ERC2: variants seen among roughly 807,000 people sequenced by gnomAD.
The protein encoded by ERC2 is ELKS/RAB6-interacting/CAST family member 2.
Under a neutral mutation model 114.8 loss-of-function variants are expected in ERC2, and 42 were observed. That is an observed-to-expected ratio of 0.37 (90% CI 0.29 to 0.47). The LOEUF (loss-of-function observed/expected upper bound fraction) is 0.47. ERC2 is among the 20% of genes least tolerant of loss of function. The pLI is 0.99. For synonymous variants in ERC2, 454 were observed against 425.5 expected, an observed-to-expected ratio of 1.07 and a Z score of -0.82; for missense variants, 939 against 1,150.7, an observed-to-expected ratio of 0.82 and a Z score of 2.66.
chr3:56,387,525 G>A (rs576672804), intron 2 of ERC2, among the ~76,000 whole-genome samples: 1 of 152,236 alleles, frequency 6.6e-6, no homozygotes, highest in South Asian at 2.1e-4. Flanking sequence ...TGCCATTTGT[G>A]TCTATAAAAC....
At chr3:56,012,480 C>T (rs1395840731) in intron 8 of ERC2, among the ~76,000 whole-genome samples, 2 of 152,100 alleles carry the variant, frequency 1.3e-5, no homozygotes, top group Admixed American at 6.5e-5. Context: ...TCTTGACCCA[C>T]AGCTGGGCAA....
At chr3:55,853,957 A>G (rs886559193) in intron 14 of ERC2, among the ~76,000 whole-genome samples, 2 of 152,156 alleles carry the variant, frequency 1.3e-5, no homozygotes, top group Non-Finnish European at 2.9e-5. Flanking sequence ...ATTAGACCAA[A>G]TTATCACAAG....
At chr3:55,937,637 T>C (rs1032209037) in intron 13 of ERC2, among the ~76,000 whole-genome samples, 6 of 152,200 alleles carry the variant, frequency 3.9e-5, no homozygotes, top group Admixed American at 6.5e-5. Flanking sequence ...TCAGGTGACA[T>C]TGTTCCATGA....
intron 6 of ERC2, among the ~76,000 whole-genome samples, chr3:56,101,365 G>C (rs2078343783): frequency 7.7e-6 from 1 of 129,164 alleles, no homozygotes; most frequent in African/African-American, 3.0e-5. Flanking sequence ...CCTTCAAAGA[G>C]GAAACATCCA....
At chr3:56,301,174 G>A (rs1466953701) in intron 2 of ERC2, among the ~76,000 whole-genome samples, 3 of 152,168 alleles carry the variant, frequency 2.0e-5, no homozygotes, top group Non-Finnish European at 2.9e-5. Flanking sequence ...CATTTATTAA[G>A]AAGCAAAATC....
At chr3:55,516,981 G>A (rs2052556398) in intron 17 of ERC2, among the ~76,000 whole-genome samples, 2 of 152,106 alleles carry the variant, frequency 1.3e-5, no homozygotes, top group Admixed American at 1.3e-4. Context: ...GCTCCCTGGG[G>A]CCTCATTTGA....
chr3:55,936,167 G>A lies in ERC2; in HGVS notation c.2403+14258C>T, dbSNP rs1012228404. On this transcript the variant is annotated intron_variant, in intron 13 of 17. Transcript: ENST00000288221. ...GAGCCCCCTGCATGGGCTGATTGGC[G>A]TTGGCACTCTTCTCTTCCCTCACAG... is the stretch of plus-strand genomic sequence containing the variant. Among the ~76,000 whole-genome samples the A allele has an allele frequency of 2.6e-5, 4 of 152,282 alleles. No homozygotes were observed. The East Asian group carries it at 5.8e-4, about 22-fold the overall frequency.
chr3:56,076,258 T>C (rs1054037489), intron 7 of ERC2, among the ~76,000 whole-genome samples: 1 of 152,168 alleles, frequency 6.6e-6, no homozygotes, highest in African/African-American at 2.4e-5. Context: ...AAAATGGAGA[T>C]AGAATTTTTG....
chr3:55,888,278 C>A (rs2063444168), intron 14 of ERC2, 111 bp downstream of exon 14: 5 of 1,280,638 alleles, frequency 3.9e-6, no homozygotes, highest in South Asian at 3.2e-5. Context: ...CAAGTGTGAG[C>A]TAAATTATTC....
chr3:55,726,061 G>A (rs1481652343), intron 15 of ERC2, among the ~76,000 whole-genome samples: 1 of 152,160 alleles, frequency 6.6e-6, no homozygotes, highest in Non-Finnish European at 1.5e-5. Context: ...TTTATTAAAA[G>A]GGGTTCTCTA....
chr3:56,284,869 C>A (rs2054572800), intron 3 of ERC2, among the ~76,000 whole-genome samples: 1 of 151,970 alleles, frequency 6.6e-6, no homozygotes, highest in Admixed American at 6.6e-5. Flanking sequence ...TGCCTCATTT[C>A]CAGCCCTACA....
At chr3:55,828,987 T>C (rs781206394) in intron 14 of ERC2, among the ~76,000 whole-genome samples, 23 of 152,166 alleles carry the variant, frequency 1.5e-4, no homozygotes, top group Non-Finnish European at 3.1e-4. Flanking sequence ...AAAAATTAGC[T>C]GAGTGTGATG....
intron 17 of ERC2, among the ~76,000 whole-genome samples, chr3:55,574,296 A>G (rs951573453): frequency 2.0e-5 from 3 of 151,852 alleles, no homozygotes; most frequent in South Asian, 4.2e-4. Context: ...GGTGGTTGCT[A>G]TTTTCTCTGT....
chr3:56,319,575 AC>A (rs1345954038), intron 2 of ERC2, among the ~76,000 whole-genome samples: 1 of 152,190 alleles, frequency 6.6e-6, no homozygotes, highest in Non-Finnish European at 1.5e-5. Flanking sequence ...CCTATAGCTA[AC>A]CATATTGTAT....
chr3:55,728,088 T>C (rs1472309), intron 15 of ERC2, among the ~76,000 whole-genome samples: 83,263 of 151,950 alleles, frequency 0.55, 23,437 homozygotes, highest in South Asian at 0.71. Context: ...TTTCTTTTCT[T>C]GCCATCATGA....
chr3:56,340,332 T>TA (rs1361539829), intron 2 of ERC2, among the ~76,000 whole-genome samples: 1 of 152,108 alleles, frequency 6.6e-6, no homozygotes, highest in East Asian at 1.9e-4. Context: ...AACACAGGCT[T>TA]AAAAAATGAA....
intron 3 of ERC2, among the ~76,000 whole-genome samples, chr3:56,227,565 C>T (rs2050333561): frequency 6.6e-6 from 1 of 152,128 alleles, no homozygotes. Context: ...CTCCGCTTTG[C>T]TTCCATCTGC....
intron 3 of ERC2, among the ~76,000 whole-genome samples, chr3:56,209,764 A>G (rs1488408650): frequency 6.6e-6 from 1 of 152,096 alleles, no homozygotes; most frequent in Non-Finnish European, 1.5e-5. Context: ...CATCCTCCTC[A>G]TTTTTAACCT....
chr3:55,561,728 A>AC (rs531351788), intron 17 of ERC2, among the ~76,000 whole-genome samples: 7 of 151,514 alleles, frequency 4.6e-5, no homozygotes, highest in Non-Finnish European at 1.0e-4. Context: ...CCCCCAATTT[A>AC]CTCTGGGAAA....
Sources: gnomAD v4.1 joint callset for allele counts (sites outside exome capture counted in the v4.1 genomes callset) on GRCh38, gnomAD v4.1.1 for gene constraint, MANE v1.5 for transcripts, NCBI Gene and HGNC (gene_info 2026-07-23, HGNC 2026-07-21) for gene names.